The following EVL variants were observed in gnomAD, a reference collection of about 807,000 sequenced individuals.
EVL encodes Enah/Vasp-like.
Under a neutral mutation model 59.6 loss-of-function variants are expected in EVL, and 21 were observed. The observed-to-expected ratio is 0.35, with a 90% CI of 0.25 to 0.51. EVL has a LOEUF of 0.51. EVL is among the 20% of genes least tolerant of loss of function. EVL has a pLI of 0.97. For missense variants in EVL, 462 were observed against 546.6 expected, an observed-to-expected ratio of 0.85 and a Z score of 1.54; for synonymous variants, 198 against 203.5, an observed-to-expected ratio of 0.97 and a Z score of 0.23.
At chr14:100,123,458 A>C in intron 3 of EVL, 81 bp from the exon 4 acceptor site, 5 of 1,396,538 alleles carry the variant, frequency 3.6e-6, no homozygotes, top group Non-Finnish European at 5.0e-6. Flanking sequence ...GAAGGTGGGC[A>C]GAGATAGAGA....
At chr14:100,023,794 A>T (rs1212698) in intron 1 of EVL, among the ~76,000 whole-genome samples, 54,394 of 151,976 alleles carry the variant, frequency 0.36, 13,572 homozygotes, top group African/African-American at 0.71. Flanking sequence ...TTTCTTAGAC[A>T]TCCTTCTACT....
intron 2 of EVL, among the ~76,000 whole-genome samples, chr14:100,089,738 A>G (rs1343500387): frequency 2.6e-5 from 4 of 152,176 alleles, no homozygotes; most frequent in African/African-American, 9.7e-5. Flanking sequence ...CCTGGTCAAT[A>G]TAGTGGGACT....
chr14:99,985,808 T>C (rs771325594), intron 1 of EVL, among the ~76,000 whole-genome samples: 14 of 151,996 alleles, frequency 9.2e-5, no homozygotes, highest in Non-Finnish European at 1.6e-4. Flanking sequence ...TTTTAGCCAT[T>C]CATTACTAAT....
intron 2 of EVL, among the ~76,000 whole-genome samples, chr14:100,085,658 GT>G (rs1387079114): frequency 6.6e-6 from 1 of 152,234 alleles, no homozygotes; most frequent in African/African-American, 2.4e-5. Flanking sequence ...TGAGCAGCAG[GT>G]TAGCTGCTAT....
chr14:100,093,162 C>T (rs866826763), intron 2 of EVL, among the ~76,000 whole-genome samples: 15 of 152,216 alleles, frequency 9.9e-5, no homozygotes, highest in African/African-American at 3.1e-4. Context: ...TGTGTCACTG[C>T]ACATACATCC....
intron 3 of EVL, chr14:100,106,078 A>C (rs1886548880): frequency 6.6e-6 from 1 of 152,190 alleles, no homozygotes; most frequent in Admixed American, 6.5e-5. Flanking sequence ...AGAAGCTCTC[A>C]CCAGAGACAA....
chr14:100,036,769 A>C (rs2061395073), intron 1 of EVL, among the ~76,000 whole-genome samples: 2 of 152,192 alleles, frequency 1.3e-5, no homozygotes, highest in African/African-American at 4.8e-5. Flanking sequence ...TGTTTAACAG[A>C]GGACCGTGGC....
intron 9 of EVL, 116 bp from the exon 10 acceptor site, chr14:100,137,462 C>T (rs895476900): frequency 1.7e-5 from 19 of 1,093,012 alleles, no homozygotes; most frequent in South Asian, 7.7e-5. Flanking sequence ...CTTCCTGCCA[C>T]GGGGCTCTGC....
Position 100,095,662 on chromosome 14 carries a change from G to C in EVL, c.181-1819G>C, listed in dbSNP as rs189039619. Among the ~76,000 whole-genome samples the C allele has an allele frequency of 2.0e-5, 3 of 152,312 alleles. No homozygotes were observed. The East Asian group carries it at 5.8e-4, about 29-fold the overall frequency. On this transcript the variant is annotated intron_variant, in intron 2 of 13. Coordinates refer to ENST00000392920, the MANE Select transcript of EVL (RefSeq NM_016337.3). ...ACTACCCTGGAACTTGTGTGTAGTT[G>C]TTGGCCAAAATATGTGCCTGTCAAT...
chr14:100,130,932 G>T lies in EVL; in HGVS notation c.839+1248G>T, dbSNP rs962930142. Among the ~76,000 whole-genome samples, 3 of 152,246 alleles carry T rather than the reference G, an allele frequency of 2.0e-5. No homozygotes were observed. Among genetic ancestry groups the T allele is most frequent in the African/African-American group, 7.2e-5 (3 of 41,472 alleles). ...TAAGTCCAGGTGTGTGGGGCTTACA[G>T]TGGCCACACAAAGGCGAATGGCTCC... On this transcript the variant is annotated intron_variant, in intron 7 of 13. Coordinates refer to ENST00000392920, the MANE Select transcript of EVL (RefSeq NM_016337.3). The surrounding 1 kb of genome is among the most constrained non-coding windows in gnomAD (Gnocchi z 4.8).
At chr14:100,142,445 A>G (rs905242607) in intron 13 of EVL, among the ~76,000 whole-genome samples, 3 of 152,356 alleles carry the variant, frequency 2.0e-5, no homozygotes, top group African/African-American at 7.2e-5. Flanking sequence ...TGGGCAGGGC[A>G]GACTCAGTCT....
In EVL at chr14:100,109,590, A is replaced by C. The variant is rs2140342015; in HGVS notation, c.358+11932A>C. On this transcript the variant is annotated intron_variant, in intron 3 of 13. Coordinates refer to ENST00000392920, the MANE Select transcript of EVL (RefSeq NM_016337.3). The surrounding 1 kb of genome is among the most constrained non-coding windows in gnomAD (Gnocchi z 4.3). ...CTCTCATAGCCTGGCACTTCCTGCC[A>C]TTGCATCCTTCTCTGCAGACTAAGA... 1 of 491,076 alleles carries C rather than the reference A, an allele frequency of 2.0e-6. No individual in the cohort carries two copies. The highest frequency in any genetic ancestry group is 6.0e-5 in the East Asian group (1 of 16,774). The allele number at this position is 491,076 out of a possible 1,614,324, so 30.4% of individuals were successfully genotyped here.
chr14:100,134,613 T>C (rs1362513805), intron 8 of EVL: 1 of 152,276 alleles, frequency 6.6e-6, no homozygotes, highest in African/African-American at 2.4e-5. Flanking sequence ...GCACTCGTTT[T>C]CTTGTTCATG....
rs1887958384 is a variant in EVL at position 100,125,122 on chromosome 14, C to CA, written c.422+1520_422+1521insA. 1.9e-5 allele frequency among the ~76,000 whole-genome samples: 2 copies of CA among 103,098 alleles called. 1 individual carries two copies. Among genetic ancestry groups the CA allele is most frequent in the East Asian group, 5.7e-4 (2 of 3,534 alleles). 67.6% of individuals were successfully genotyped at this position (103,098 alleles called of 152,430 possible). A position where few individuals can be genotyped will look rare whatever the true frequency, so the allele number is the denominator to read the frequency against. On this transcript the variant is annotated intron_variant, in intron 4 of 13. Transcript: ENST00000392920. ...CACACACACCTGCCCCAAGGCGGGACCACACACACACACACACACACACAC... is the reference window on the plus strand; with the variant it reads ...CACACACACCTGCCCCAAGGCGGGACACACACACACACACACACACACACAC...
At chr14:100,106,574 C>G (rs1355681580) in intron 3 of EVL, 3 of 322,684 alleles carry the variant, frequency 9.3e-6, no homozygotes, top group Non-Finnish European at 1.7e-5. Context: ...CTTCTCTTTT[C>G]TCTCTCCTTT....
chr14:100,015,606 G>A (rs2061044203), intron 1 of EVL, among the ~76,000 whole-genome samples: 2 of 152,186 alleles, frequency 1.3e-5, no homozygotes, highest in African/African-American at 4.8e-5. Flanking sequence ...GCGCCGGCAG[G>A]GACTGCCAGA....
At chr14:100,084,633 T>G (rs961869450) in intron 1 of EVL, 54 bp from the exon 2 acceptor site, 10 of 1,583,088 alleles carry the variant, frequency 6.3e-6, no homozygotes, top group African/African-American at 1.4e-5. Context: ...AAGGGCAAAG[T>G]CAACTTCCAT....
chr14:99,990,827 A>C (rs2060870803), intron 1 of EVL, among the ~76,000 whole-genome samples: 1 of 152,138 alleles, frequency 6.6e-6, no homozygotes, highest in Non-Finnish European at 1.5e-5. Flanking sequence ...GAGTATGCAG[A>C]TATCTCTTCA....
At chr14:100,021,026 G>A (rs984657971) in intron 1 of EVL, among the ~76,000 whole-genome samples, 1 of 152,216 alleles carries the variant, frequency 6.6e-6, no homozygotes, top group Non-Finnish European at 1.5e-5. Flanking sequence ...TAGGCCCCTG[G>A]GTTCTAATGT....
Sources: gnomAD v4.1 joint callset for allele counts (sites outside exome capture counted in the v4.1 genomes callset) on GRCh38, gnomAD v4.1.1 for gene constraint, Gnocchi (gnomAD v3.1) non-coding constraint, MANE v1.5 for transcripts, NCBI Gene and HGNC (gene_info 2026-07-23, HGNC 2026-07-21) for gene names.